SUPV3L1: variants seen among roughly 807,000 people sequenced by gnomAD.
The protein encoded by SUPV3L1 is ATP-dependent RNA helicase SUPV3L1, mitochondrial.
Under a neutral mutation model 70.0 loss-of-function variants are expected in SUPV3L1, and 35 were observed. The observed-to-expected ratio is 0.50, with a 90% CI of 0.38 to 0.66. The LOEUF (loss-of-function observed/expected upper bound fraction) is 0.66. SUPV3L1 is among the 30% of genes least tolerant of loss of function. The probability of loss-of-function intolerance (pLI) is 0.00; values close to 1 mark genes in which losing one functional copy is unlikely to be tolerated. For missense variants in SUPV3L1, 777 were observed against 961.5 expected (o/e 0.81, Z 2.54); for synonymous variants, 364 against 341.9 (o/e 1.06, Z -0.71).
chr10:69,208,805 C>A lies in SUPV3L1; in HGVS notation c.2131C>A (p.Arg711Ser). The A allele has an allele frequency of 4.3e-6, 7 of 1,614,182 alleles. No homozygotes were observed. The highest frequency in any genetic ancestry group is 5.9e-6 in the Non-Finnish European group (7 of 1,180,046). The change falls in exon 15 of 15, where the codon CGC becomes AGC. Residue 711 changes from arginine to serine, a missense_variant. By Grantham distance (110) the Arg-to-Ser change is moderately radical (BLOSUM62 -1). This residue lies in a region of SUPV3L1 where 619 missense variants were observed against 823.3 expected (regional missense o/e 0.75). Transcript: ENST00000359655. Reference protein sequence around the residue: ...GTLKSQARRTRGTKALGSKAT... With the variant: ...GTLKSQARRTSGTKALGSKAT... ...CTTAAAGAGCCAAGCTAGAAGGACACGCGGCACCAAAGCTCTAGGGAGTAA... is the reference window on the plus strand; with the variant it reads ...CTTAAAGAGCCAAGCTAGAAGGACAAGCGGCACCAAAGCTCTAGGGAGTAA...
intron 1 of SUPV3L1, chr10:69,182,559 T>C (rs1564697521): frequency 9.1e-6 from 9 of 985,284 alleles, no homozygotes; most frequent in African/African-American, 1.7e-5. Flanking sequence ...TCTTTGCTGC[T>C]TCCTGTAAGA....
chr10:69,199,082 A>G (rs766776189), intron 9 of SUPV3L1, 22 bp from the exon 10 acceptor site: 1 of 1,581,240 alleles, frequency 6.3e-7, no homozygotes, highest in Admixed American at 1.7e-5. Context: ...CACTGATTTA[A>G]CATAAATTGT....
At chr10:69,185,485 T>G (rs1842195983) in intron 1 of SUPV3L1, among the ~76,000 whole-genome samples, 1 of 150,880 alleles carries the variant, frequency 6.6e-6, no homozygotes, top group Admixed American at 6.7e-5. Flanking sequence ...GCTGCATTAT[T>G]TGACTCGATC....
intron 4 of SUPV3L1, among the ~76,000 whole-genome samples, chr10:69,188,052 G>C (rs78146626): frequency 1.3e-5 from 2 of 152,148 alleles, no homozygotes; most frequent in Non-Finnish European, 2.9e-5. Flanking sequence ...TGAGCGCCTG[G>C]GTGTTAATGA....
rs148189817 is a variant in SUPV3L1, at chr10:69,187,649, G to T, written c.465G>T (p.Ala155=). The part of the protein sequence containing the change: ...LNDICFGAAH[A]DDLFPFFLRH... Reference sequence around the variant, plus strand: ...CAGTGTTTTATTTTCCAGCTCATGCGGATGATTTATTCCCATTTTTCTTGA... The same window carrying T: ...CAGTGTTTTATTTTCCAGCTCATGCTGATGATTTATTCCCATTTTTCTTGA... Residue 155 remains alanine (A), a synonymous_variant, in exon 4 of 15, where the codon GCG becomes GCT. Transcript: ENST00000359655. The T allele has an allele frequency of 3.1e-6, 5 of 1,605,078 alleles. No homozygotes were observed. The Admixed American group carries it at 6.8e-5, about 22-fold the overall frequency.
At chr10:69,192,938 C>T (rs960515554) in intron 6 of SUPV3L1, 3 of 152,164 alleles carry the variant, frequency 2.0e-5, no homozygotes, top group African/African-American at 7.2e-5. Context: ...GTCTCTAATT[C>T]CTGGCCTTGT....
intron 7 of SUPV3L1, among the ~76,000 whole-genome samples, chr10:69,196,658 C>T (rs185390970): frequency 6.6e-6 from 1 of 152,240 alleles, no homozygotes; most frequent in Admixed American, 6.5e-5. Context: ...TCAGCGATTC[C>T]ATGGAGCCTA....
intron 7 of SUPV3L1, among the ~76,000 whole-genome samples, chr10:69,195,896 A>C (rs547099562): frequency 2.0e-5 from 3 of 151,926 alleles, no homozygotes; most frequent in Non-Finnish European, 4.4e-5. Context: ...CTGTTTGCCA[A>C]CATGCCCCCT....
intron 12 of SUPV3L1, 83 bp downstream of exon 12, chr10:69,202,602 G>A (rs956991932): frequency 1.5e-6 from 2 of 1,321,708 alleles, no homozygotes; most frequent in East Asian, 2.3e-5. Context: ...AGCATGAATG[G>A]ATAGTCTGCC....
chr10:69,194,966 A>G (rs1842501160), intron 6 of SUPV3L1, among the ~76,000 whole-genome samples: 1 of 152,204 alleles, frequency 6.6e-6, no homozygotes, highest in Admixed American at 6.5e-5. Flanking sequence ...TTTTCTGTCA[A>G]ATGGAGATAG....
At chr10:69,184,921 G>C (rs1030187235) in intron 1 of SUPV3L1, among the ~76,000 whole-genome samples, 3 of 152,182 alleles carry the variant, frequency 2.0e-5, no homozygotes, top group African/African-American at 7.2e-5. Flanking sequence ...GTGTGACTGA[G>C]TCAGTAAAAT....
At chr10:69,196,874 A>C in intron 7 of SUPV3L1, 118 bp from the exon 8 acceptor site, 1 of 768,744 alleles carries the variant, frequency 1.3e-6, no homozygotes, top group Non-Finnish European at 2.1e-6. Context: ...ATTTTTGAAA[A>C]TACTTGGTAA....
rs770727946 is a variant in SUPV3L1 at position 69,208,663 on chromosome 10, T to C, written c.1989T>C (p.Asp663=). The change falls in exon 15 of 15, where the codon GAT becomes GAC. Residue 663 remains aspartate, a synonymous_variant. Coordinates refer to ENST00000359655, the MANE Select transcript of SUPV3L1 (RefSeq NM_003171.5). ...SLIRDLQKEL[D]GIIQDGVHNI... ...TTCGAGATCTCCAGAAAGAACTAGA[T>C]GGTATTATCCAAGATGGTGTGCACA... is the stretch of plus-strand genomic sequence containing the variant. 3 of 1,614,216 alleles carry C rather than the reference T, an allele frequency of 1.9e-6. No individual in the cohort carries two copies. Among genetic ancestry groups the C allele is most frequent in the African/African-American group, 2.7e-5 (2 of 75,050 alleles).
chr10:69,200,203 A>T, intron 10 of SUPV3L1, 77 bp from the exon 11 acceptor site: 1 of 1,193,342 alleles, frequency 8.4e-7, no homozygotes, highest in Non-Finnish European at 1.2e-6. Flanking sequence ...CTAGTATTGG[A>T]GTGAGCATTA....
intron 6 of SUPV3L1, chr10:69,192,893 TG>T (rs1842434576): frequency 1.3e-5 from 2 of 152,178 alleles, no homozygotes; most frequent in Non-Finnish European, 2.9e-5. Flanking sequence ...ATAAATTTTT[TG>T]TGGAGATGGG....
At chr10:69,203,089 C>G in intron 13 of SUPV3L1, 46 bp downstream of exon 13, 1 of 1,538,782 alleles carries the variant, frequency 6.5e-7, no homozygotes, top group Non-Finnish European at 8.8e-7. Context: ...CTGGTTGATG[C>G]AGGTTCCCCA....
chr10:69,184,298 G>A (rs1842152047), intron 1 of SUPV3L1, among the ~76,000 whole-genome samples: 1 of 152,138 alleles, frequency 6.6e-6, no homozygotes, highest in Admixed American at 6.5e-5. Flanking sequence ...GGAGGCTGAG[G>A]CTGGCAGATC....
chr10:69,207,626 T>C, intron 13 of SUPV3L1, 167 bp from the exon 14 acceptor site: 7 of 812,946 alleles, frequency 8.6e-6, no homozygotes, highest in Non-Finnish European at 1.3e-5. Context: ...TTATAAAGTA[T>C]TAAATGTTCT....
chr10:69,198,741 A>G (rs1842609044), intron 9 of SUPV3L1, among the ~76,000 whole-genome samples, 189 bp downstream of exon 9: 1 of 152,222 alleles, frequency 6.6e-6, no homozygotes, highest in African/African-American at 2.4e-5. Context: ...TTTTAATTAT[A>G]GTTCTTGTTA....
Sources: gnomAD v4.1 joint callset for allele counts (sites outside exome capture counted in the v4.1 genomes callset) on GRCh38, gnomAD v4.1.1 for gene constraint, gnomAD v4.1.1 regional missense constraint, MANE v1.5 for transcripts, NCBI Gene and HGNC (gene_info 2026-07-23, HGNC 2026-07-21) for gene names.